The following LRIG1 variants were observed in gnomAD, a reference collection of about 807,000 sequenced individuals.
LRIG1 encodes the protein leucine rich repeats and immunoglobulin like domains 1.
A neutral mutation model predicts 99.2 loss-of-function variants in LRIG1; 48 were observed. That is an observed-to-expected ratio of 0.48 (90% CI 0.38 to 0.62). The LOEUF is 0.62. Ranked by LOEUF, LRIG1 falls within the 20% of genes least tolerant of loss-of-function variation. LRIG1 has a pLI of 0.00. For synonymous variants in LRIG1, 772 were observed against 596.1 expected (o/e 1.29, Z -4.30); for missense variants, 1,646 against 1,434.4 (o/e 1.15, Z -2.38).
Position 66,381,613 on chromosome 3 carries a change from G to C in LRIG1, c.2636C>G (p.Ala879Gly), listed in dbSNP as rs774185035. The change falls in exon 17 of 19, where the codon GCA (alanine) becomes GGA (glycine). Residue 879 changes from alanine to glycine, a missense_variant. Ala to Gly is a moderately conservative substitution (Grantham distance 60). Coordinates refer to ENST00000273261, the MANE Select transcript of LRIG1 (RefSeq NM_015541.3). ...AGTGTCGGGCTCTGGAAAGTGGCTT[G>C]CATCTCTTGGACACACACCTGCAAG... ...IESNGVCPRD[A>G]SHFPEPDTHS... 2 of 1,613,944 alleles carry C rather than the reference G, an allele frequency of 1.2e-6. No individual in the cohort carries two copies. Among genetic ancestry groups the C allele is most frequent in the African/African-American group, 2.7e-5 (2 of 75,028 alleles).
chr3:66,424,780 A>T (rs2106722559), intron 3 of LRIG1, among the ~76,000 whole-genome samples: 1 of 152,338 alleles, frequency 6.6e-6, no homozygotes, highest in South Asian at 2.1e-4. Context: ...AGCTATACAC[A>T]TTCAATAGAA....
chr3:66,429,937 GTAT>G, intron 3 of LRIG1, among the ~76,000 whole-genome samples: 1 of 151,774 alleles, frequency 6.6e-6, no homozygotes, highest in Non-Finnish European at 1.5e-5. Context: ...ACCTCCTAAA[GTAT>G]TAAGTAGTCC....
intron 3 of LRIG1, among the ~76,000 whole-genome samples, chr3:66,428,189 T>C (rs1703043482): frequency 6.6e-6 from 1 of 152,224 alleles, no homozygotes; most frequent in South Asian, 2.1e-4. Flanking sequence ...CTCAGGTCAT[T>C]GAGCTTGCAT....
At position 66,451,605 on chromosome 3, in the gene LRIG1, C is replaced by T. The variant is rs1341823085; in HGVS notation, c.319G>A (p.Val107Ile). The change falls in exon 3 of 19, where the codon GTA (valine) becomes ATA (isoleucine). Residue 107 changes from valine to isoleucine, a missense_variant. By Grantham distance (29) the Val-to-Ile change is conservative. Coordinates refer to ENST00000273261, the MANE Select transcript of LRIG1 (RefSeq NM_015541.3). ...VYLNNNELTA[V>I]PSLGAASSHV... is the part of the protein sequence containing the mutation. The stretch of plus-strand genomic sequence containing the variant: ...GATGAAGCAGCGCCCAGGGATGGTA[C>T]CGCTGTCAACTCATTATTATTGAGG... 2 of 1,613,920 alleles carry T rather than the reference C, an allele frequency of 1.2e-6. No individual in the cohort carries two copies. Among genetic ancestry groups the T allele is most frequent in the South Asian group, 1.1e-5 (1 of 91,060 alleles).
At chr3:66,398,708 G>A (rs74552225) in intron 10 of LRIG1, among the ~76,000 whole-genome samples, 11 of 152,350 alleles carry the variant, frequency 7.2e-5, no homozygotes, top group Non-Finnish European at 1.6e-4. Context: ...GTTAGGCTGC[G>A]CAGCAGGAGG....
Position 66,407,303 on chromosome 3 carries a change from T to G in LRIG1, c.1079+45A>C, listed in dbSNP as rs186284274. On this transcript the variant is annotated intron_variant, in intron 8 of 18. Coordinates refer to ENST00000273261, the MANE Select transcript of LRIG1 (RefSeq NM_015541.3). Reference sequence around the variant, plus strand: ...GCAGATGGTTTGCTCTATTCTGCTCTCCCCACTGGGGACCCCTTTATCCTG... The same window carrying G: ...GCAGATGGTTTGCTCTATTCTGCTCGCCCCACTGGGGACCCCTTTATCCTG... The G allele has an allele frequency of 3.5e-4, 569 of 1,609,236 alleles. 4 individuals carry two copies. The African/African-American group carries it at 6.9e-3, about 20-fold the overall frequency.
intron 1 of LRIG1, among the ~76,000 whole-genome samples, chr3:66,464,948 C>G (rs1291315523): frequency 3.3e-5 from 5 of 152,152 alleles, no homozygotes; most frequent in Non-Finnish European, 7.4e-5. Context: ...AGTATCAGGA[C>G]TTAACACTGA....
chr3:66,436,606 C>T (rs984328622), intron 3 of LRIG1, among the ~76,000 whole-genome samples: 2 of 152,136 alleles, frequency 1.3e-5, no homozygotes, highest in African/African-American at 2.4e-5. Context: ...ACGCAGAGCC[C>T]GGGGGTCTGG....
At chr3:66,405,445 G>A (rs573685261) in intron 8 of LRIG1, among the ~76,000 whole-genome samples, 167 bp from the exon 9 acceptor site, 2 of 152,268 alleles carry the variant, frequency 1.3e-5, no homozygotes, top group East Asian at 3.9e-4. Flanking sequence ...GGGAAGCCCT[G>A]TTTCTCAGCC....
In LRIG1 at chr3:66,384,169, G is replaced by C. The variant is rs1248143860; in HGVS notation, c.1893C>G (p.Ala631=). 1.2e-6 allele frequency: 2 copies of C among 1,614,212 alleles called. No individual in the cohort carries two copies. The highest frequency in any genetic ancestry group is 1.6e-4 in the Middle Eastern group (1 of 6,062). The change falls in exon 14 of 19, where the codon GCC becomes GCG. Residue 631 remains alanine, a synonymous_variant. Transcript: ENST00000273261. The part of the protein sequence containing the change: ...AATGHPNPQI[A]WQKDGGTDFP... ...AATCCGTGCCTCCATCCTTCTGCCA[G>C]GCAATCTGAGGGTTTGGGTGACCTG...
intron 3 of LRIG1, among the ~76,000 whole-genome samples, chr3:66,447,716 T>C (rs1051049386): frequency 6.6e-6 from 1 of 152,212 alleles, no homozygotes; most frequent in African/African-American, 2.4e-5. Flanking sequence ...CATACATTTT[T>C]ACTCCCAGGA....
chr3:66,489,962 T>C (rs940663498), intron 1 of LRIG1, among the ~76,000 whole-genome samples: 18 of 152,108 alleles, frequency 1.2e-4, no homozygotes, highest in African/African-American at 4.4e-4. Context: ...AAAGACATTC[T>C]GAGCACCACG....
At chr3:66,393,951 G>T in intron 12 of LRIG1, 89 bp downstream of exon 12, 2 of 1,405,766 alleles carry the variant, frequency 1.4e-6, no homozygotes, top group South Asian at 1.3e-5. Context: ...GGTTTACTCT[G>T]ATCACAGGAA....
chr3:66,469,197 T>C (rs773180811), intron 1 of LRIG1: 1 of 152,166 alleles, frequency 6.6e-6, no homozygotes. Context: ...ATATTCCCTA[T>C]GGCAAAAGAA....
At chr3:66,462,204 C>T (rs950204689) in intron 2 of LRIG1, among the ~76,000 whole-genome samples, 6 of 152,162 alleles carry the variant, frequency 3.9e-5, no homozygotes, top group Admixed American at 6.5e-5. Context: ...ACCCACCATG[C>T]GCCCAGGATT....
At chr3:66,397,159 G>T (rs1701880741) in intron 11 of LRIG1, among the ~76,000 whole-genome samples, 1 of 152,130 alleles carries the variant, frequency 6.6e-6, no homozygotes, top group South Asian at 2.1e-4. Context: ...AACATCACAG[G>T]GCAAGTGCCC....
intron 1 of LRIG1, among the ~76,000 whole-genome samples, chr3:66,469,435 A>G (rs1294320490): frequency 2.0e-5 from 3 of 152,168 alleles, no homozygotes; most frequent in Non-Finnish European, 4.4e-5. Context: ...ATGGACCCAG[A>G]CTCATTGCCT....
chr3:66,401,450 G>A (rs1702051112), intron 9 of LRIG1, among the ~76,000 whole-genome samples: 1 of 152,204 alleles, frequency 6.6e-6, no homozygotes, highest in Admixed American at 6.5e-5. Flanking sequence ...GGAAAAAGCT[G>A]CGCTTTATTT....
intron 2 of LRIG1, among the ~76,000 whole-genome samples, chr3:66,460,509 A>G (rs1200552794): frequency 6.6e-6 from 1 of 152,320 alleles, no homozygotes; most frequent in South Asian, 2.1e-4. Context: ...CCCTGATCCA[A>G]TATGACTGGT....
Sources: allele counts gnomAD v4.1 joint callset (sites outside exome capture counted in the v4.1 genomes callset), GRCh38; gene constraint gnomAD v4.1.1; transcripts MANE v1.5; gene names NCBI Gene and HGNC (gene_info 2026-07-23, HGNC 2026-07-21).